WNK3: variants seen among roughly 807,000 people sequenced by gnomAD.
WNK3 encodes the protein serine/threonine-protein kinase WNK3.
WNK3 carries 18 observed loss-of-function variants against 116.7 expected under a neutral mutation model. The ratio of observed to expected loss-of-function variants is 0.15; its 90% CI spans 0.11 to 0.23. The LOEUF is 0.23. Ranked by LOEUF, WNK3 falls within the 10% of genes least tolerant of loss-of-function variation. The pLI, the probability that WNK3 is intolerant of heterozygous loss-of-function variation, is 1.00. For missense variants in WNK3, 993 were observed against 1,323.8 expected (o/e 0.75, Z 3.88); for synonymous variants, 404 against 469.4 (o/e 0.86, Z 1.80).
intron 13 of WNK3, among the ~76,000 whole-genome samples, chrX:54,252,744 C>G (rs1415818095): frequency 9.2e-6 from 1 of 108,192 alleles, no homozygotes; most frequent in African/African-American, 3.4e-5. Context: ...AAAGAAGAGA[C>G]AGTTCAGAAA....
At position 54,225,188 on chromosome X, in the gene WNK3, C is replaced by T. The variant is rs137940001; in HGVS notation, c.4870+3526G>A. Among the ~76,000 whole-genome samples the T allele has an allele frequency of 5.0e-3, 540 of 108,872 alleles. 2 individuals carry two copies. Among genetic ancestry groups the T allele is most frequent in the Non-Finnish European group, 7.2e-3 (379 of 52,489 alleles). 94.5% of individuals were successfully genotyped at this position (108,872 alleles called of 115,157 possible). On this transcript the variant is annotated intron_variant, in intron 22 of 23. Coordinates refer to ENST00000354646, the Ensembl canonical transcript of WNK3. ...CTTGAGTGAGACCAGGAGGTTGAGG[C>T]TGCAGTGAACAATGATCATGCCACT...
chrX:54,263,546 G>C (rs1227252942), intron 10 of WNK3, among the ~76,000 whole-genome samples: 1 of 112,073 alleles, frequency 8.9e-6, no homozygotes, highest in Non-Finnish European at 1.9e-5. Context: ...ATATTTCAAA[G>C]TAGGTTGCAA....
intron 3 of WNK3, among the ~76,000 whole-genome samples, chrX:54,310,407 C>A: frequency 9.2e-6 from 1 of 109,063 alleles, no homozygotes; most frequent in Non-Finnish European, 1.9e-5. Flanking sequence ...ATTAGCCAGG[C>A]ATGTTGCTGC....
chrX:54,333,800 G>C lies in WNK3; in HGVS notation c.-119-8C>G, dbSNP rs782315541. The C allele has an allele frequency of 5.7e-5, 26 of 460,093 alleles. No individual in the cohort carries two copies. Among genetic ancestry groups the C allele is most frequent in the Non-Finnish European group, 8.2e-5 (23 of 280,337 alleles). The allele number at this position is 460,093 out of a possible 1,213,427, so 37.9% of individuals were successfully genotyped here. A position where few individuals can be genotyped will look rare whatever the true frequency, so the allele number is the denominator to read the frequency against. On this transcript the variant is annotated splice_polypyrimidine_tract_variant and splice_region_variant and intron_variant, in intron 1 of 23. Coordinates refer to ENST00000354646, the Ensembl canonical transcript of WNK3. ...ATGTATTTCCATAGCAACCTGAAGG[G>C]GGGGAAAAAGATATTTTAAAATCAC...
At chrX:54,232,314 G>A (rs1403118172) in intron 21 of WNK3, among the ~76,000 whole-genome samples, 5 of 109,886 alleles carry the variant, frequency 4.6e-5, no homozygotes, top group African/African-American at 1.7e-4. Context: ...GCTAATTTTT[G>A]TATTTTTAGT....
chrX:54,302,026 C>G (rs1410087103), intron 5 of WNK3, among the ~76,000 whole-genome samples, 167 bp from the exon 6 acceptor site: 1 of 111,193 alleles, frequency 9.0e-6, no homozygotes, highest in Non-Finnish European at 1.9e-5. Flanking sequence ...AACCTTTTGA[C>G]AAGGATGTTG....
At chrX:54,270,535 C>G (rs1358009227) in intron 10 of WNK3, among the ~76,000 whole-genome samples, 1 of 108,325 alleles carries the variant, frequency 9.2e-6, no homozygotes, top group Non-Finnish European at 1.9e-5. Context: ...TCCCAAGTAG[C>G]TGGGATTACA....
chrX:54,298,034 C>T, intron 7 of WNK3, 141 bp downstream of exon 7: 1 of 463,165 alleles, frequency 2.2e-6, no homozygotes, highest in South Asian at 3.3e-5. Flanking sequence ...GATCGCACCA[C>T]TGCACTCCAG....
At chrX:54,247,137 T>C (rs985442817) in intron 17 of WNK3, among the ~76,000 whole-genome samples, 6 of 110,986 alleles carry the variant, frequency 5.4e-5, no homozygotes, top group Non-Finnish European at 9.5e-5. Context: ...AAAGAAGAAT[T>C]CCATGACACC....
chrX:54,341,211 A>G (rs782783879), intron 1 of WNK3, among the ~76,000 whole-genome samples: 2 of 111,018 alleles, frequency 1.8e-5, no homozygotes, highest in South Asian at 7.6e-4. Context: ...AGCCTGGCCA[A>G]CATGGTGAAA....
intron 2 of WNK3, among the ~76,000 whole-genome samples, chrX:54,328,846 G>A (rs1557173837): frequency 9.0e-6 from 1 of 110,575 alleles, no homozygotes; most frequent in African/African-American, 3.3e-5. Flanking sequence ...GGAGTGCAGT[G>A]GGGCACAATC....
chrX:54,249,305 C>T, exon 17 of WNK3: 2 of 1,212,077 alleles, frequency 1.7e-6, no homozygotes, highest in South Asian at 1.8e-5. Context: ...ATAAGTGCAT[C>T]AGCCTGACTG....
At chrX:54,238,812 T>A in intron 18 of WNK3, 56 bp downstream of exon 18, 1 of 941,890 alleles carries the variant, frequency 1.1e-6, no homozygotes, top group East Asian at 3.4e-5. Context: ...ACAAAAAAAA[T>A]AAGTAAATGA....
rs782644976 is a variant in WNK3 at position 54,337,099 on chromosome X, C to T, written c.-119-3307G>A. On this transcript the variant is annotated intron_variant, in intron 1 of 23. Transcript: ENST00000354646. Reference sequence around the variant, plus strand: ...AGCATAAAAAGAATCCAGTATTCACCGACGTTCCCCAAATGTTAAACATTT... The same window carrying T: ...AGCATAAAAAGAATCCAGTATTCACTGACGTTCCCCAAATGTTAAACATTT... 1.8e-4 allele frequency among the ~76,000 whole-genome samples: 20 copies of T among 110,823 alleles called. No homozygotes were observed. The Middle Eastern group carries it at 0.019, about 103-fold the overall frequency.
intron 22 of WNK3, among the ~76,000 whole-genome samples, chrX:54,202,634 T>A (rs1400373906): frequency 9.4e-6 from 1 of 106,786 alleles, no homozygotes; most frequent in Non-Finnish European, 1.9e-5. Flanking sequence ...GAGGTTGCAG[T>A]GAGCTGAGAT....
intron 1 of WNK3, among the ~76,000 whole-genome samples, chrX:54,336,260 C>T (rs1425558139): frequency 6.3e-5 from 7 of 110,838 alleles, no homozygotes; most frequent in African/African-American, 2.3e-4. Flanking sequence ...GTGGAGGATG[C>T]AGTGAGCTGA....
chrX:54,322,526 G>A (rs2069050908), intron 2 of WNK3, among the ~76,000 whole-genome samples: 2 of 111,232 alleles, frequency 1.8e-5, no homozygotes, highest in South Asian at 3.8e-4. Flanking sequence ...AACAGGATCC[G>A]TTTAAGAAAT....
chrX:54,287,344 CCAGA>C (rs1192772556), intron 10 of WNK3, among the ~76,000 whole-genome samples: 1 of 111,900 alleles, frequency 8.9e-6, no homozygotes, highest in Middle Eastern at 4.6e-3. Context: ...TCCAAACATG[CCAGA>C]CAAACTTCTC....
At chrX:54,325,281 A>G (rs933127729) in intron 2 of WNK3, among the ~76,000 whole-genome samples, 10 of 111,587 alleles carry the variant, frequency 9.0e-5, no homozygotes, top group African/African-American at 2.9e-4. Context: ...ACACAATCAC[A>G]TATCTGACCA....
Sources: gnomAD v4.1 joint callset for allele counts (sites outside exome capture counted in the v4.1 genomes callset) on GRCh38, gnomAD v4.1.1 for gene constraint, MANE v1.5 for transcripts, NCBI Gene and HGNC (gene_info 2026-07-23, HGNC 2026-07-21) for gene names.